The following GTF2F2 variants were observed in gnomAD, a reference collection of about 807,000 sequenced individuals.
GTF2F2 encodes the protein general transcription factor IIF subunit 2.
GTF2F2 carries 23 observed loss-of-function variants against 42.2 expected under a neutral mutation model. That is an observed-to-expected ratio of 0.55 (90% CI 0.39 to 0.77). The LOEUF is 0.77. Ranked by LOEUF, GTF2F2 falls within the 30% of genes least tolerant of loss-of-function variation. The pLI is 0.00. For missense variants in GTF2F2, 261 were observed against 287.2 expected (o/e 0.91, Z 0.66); for synonymous variants, 105 against 100.8 (o/e 1.04, Z -0.25).
intron 4 of GTF2F2, among the ~76,000 whole-genome samples, chr13:45,185,556 A>C (rs1872380294): frequency 6.6e-6 from 1 of 152,226 alleles, no homozygotes; most frequent in South Asian, 2.1e-4. Context: ...ATTGTACAAC[A>C]TGGTGAATAT....
chr13:45,185,399 T>G (rs1872370679), intron 4 of GTF2F2, among the ~76,000 whole-genome samples: 1 of 151,588 alleles, frequency 6.6e-6, no homozygotes, highest in Non-Finnish European at 1.5e-5. Flanking sequence ...ATTTTGGCTG[T>G]GTTGTAACAC....
chr13:45,242,736 A>T (rs1566148316), intron 5 of GTF2F2, among the ~76,000 whole-genome samples: 1 of 152,146 alleles, frequency 6.6e-6, no homozygotes, highest in Non-Finnish European at 1.5e-5. Flanking sequence ...TTTCTTTGTG[A>T]TCTAATTGTC....
chr13:45,144,804 C>T (rs543814852), intron 2 of GTF2F2, among the ~76,000 whole-genome samples: 79 of 152,260 alleles, frequency 5.2e-4, no homozygotes, highest in African/African-American at 1.9e-3. Context: ...TAATGAGACA[C>T]AATTTTTCTG....
chr13:45,161,716 G>T (rs934391637), intron 4 of GTF2F2, among the ~76,000 whole-genome samples: 5 of 152,148 alleles, frequency 3.3e-5, no homozygotes, highest in African/African-American at 1.2e-4. Flanking sequence ...GGTGGTGAGT[G>T]CCTGTAATCC....
chr13:45,279,886 C>A (rs940322572), intron 7 of GTF2F2, among the ~76,000 whole-genome samples: 5 of 151,990 alleles, frequency 3.3e-5, no homozygotes, highest in African/African-American at 1.2e-4. Flanking sequence ...GCCTGGGCAA[C>A]GAGAGTGAAA....
chr13:45,264,279 T>G (rs185790453), intron 6 of GTF2F2, among the ~76,000 whole-genome samples: 1 of 151,136 alleles, frequency 6.6e-6, no homozygotes. Context: ...TTTATTTTTA[T>G]TTTTTTATTT....
intron 7 of GTF2F2, among the ~76,000 whole-genome samples, chr13:45,281,727 G>A (rs982612050): frequency 1.3e-5 from 2 of 152,200 alleles, no homozygotes; most frequent in African/African-American, 2.4e-5. Flanking sequence ...TAAATATACA[G>A]ACAAGAGCTT....
chr13:45,188,906 C>G (rs1872525867), intron 4 of GTF2F2, among the ~76,000 whole-genome samples: 1 of 151,584 alleles, frequency 6.6e-6, no homozygotes, highest in Admixed American at 6.6e-5. Flanking sequence ...ATGGATGATT[C>G]ACTTTTTTTT....
chr13:45,128,384 C>T (rs1191372601), intron 1 of GTF2F2, among the ~76,000 whole-genome samples: 1 of 149,728 alleles, frequency 6.7e-6, no homozygotes, highest in Non-Finnish European at 1.5e-5. Context: ...ACCAGCCTGA[C>T]CAATATGGTG....
At chr13:45,160,972 C>G (rs2066346825) in intron 4 of GTF2F2, among the ~76,000 whole-genome samples, 1 of 152,090 alleles carries the variant, frequency 6.6e-6, no homozygotes, top group Admixed American at 6.5e-5. Flanking sequence ...ATGTTAGTGT[C>G]CAGCAGAAGC....
chr13:45,197,955 T>C (rs1216512444), intron 4 of GTF2F2, among the ~76,000 whole-genome samples: 1 of 152,218 alleles, frequency 6.6e-6, no homozygotes, highest in African/African-American at 2.4e-5. Flanking sequence ...GATTTGAAGA[T>C]TTTATCTGCC....
At chr13:45,120,853 G>C in intron 1 of GTF2F2, 132 bp downstream of exon 1, 2 of 660,866 alleles carry the variant, frequency 3.0e-6, no homozygotes, top group Non-Finnish European at 2.7e-6. Context: ...CACATTTTGA[G>C]AGGCAGGAGT....
At chr13:45,216,822 GTTTGTT>G (rs1873909019) in intron 5 of GTF2F2, among the ~76,000 whole-genome samples, 1 of 151,524 alleles carries the variant, frequency 6.6e-6, no homozygotes, top group Admixed American at 6.6e-5. Flanking sequence ...CCGGCCCAAA[GTTTGTT>G]TTTGTTTTTA....
chr13:45,175,037 A>G (rs1450877247), intron 4 of GTF2F2, among the ~76,000 whole-genome samples: 1 of 152,224 alleles, frequency 6.6e-6, no homozygotes, highest in East Asian at 1.9e-4. Context: ...GTAATAGAAC[A>G]GTAGAACTTA....
chr13:45,161,570 C>T (rs908468487), intron 4 of GTF2F2, among the ~76,000 whole-genome samples: 3 of 152,076 alleles, frequency 2.0e-5, no homozygotes, highest in African/African-American at 7.2e-5. Flanking sequence ...GGCCGGGCAC[C>T]GTGGCTCAGG....
At chr13:45,200,266 A>G (rs1473076983) in intron 4 of GTF2F2, among the ~76,000 whole-genome samples, 1 of 152,174 alleles carries the variant, frequency 6.6e-6, no homozygotes, top group Non-Finnish European at 1.5e-5. Flanking sequence ...AGGGAGAGAC[A>G]AAACAATGTG....
chr13:45,254,521 A>T (rs188421261), intron 6 of GTF2F2, among the ~76,000 whole-genome samples: 1 of 152,324 alleles, frequency 6.6e-6, no homozygotes, highest in East Asian at 1.9e-4. Context: ...AATGACACTT[A>T]ATCTTCATAC....
chr13:45,165,025 CGCTATAGCT>C (rs1464444375), intron 4 of GTF2F2, among the ~76,000 whole-genome samples: 1 of 152,044 alleles, frequency 6.6e-6, no homozygotes, highest in African/African-American at 2.4e-5. Flanking sequence ...GATCTTGTTA[CGCTATAGCT>C]GCTATAGCTG....
chr13:45,244,892 G>A (rs1369345124), intron 5 of GTF2F2, among the ~76,000 whole-genome samples: 2 of 152,078 alleles, frequency 1.3e-5, no homozygotes, highest in Admixed American at 6.6e-5. Context: ...GACTGGTCTC[G>A]AGCTCCTAAC....
Sources: gnomAD v4.1 joint callset for allele counts (sites outside exome capture counted in the v4.1 genomes callset) on GRCh38, gnomAD v4.1.1 for gene constraint, MANE v1.5 for transcripts, NCBI Gene and HGNC (gene_info 2026-07-23, HGNC 2026-07-21) for gene names.